The following HIPK3 variants were observed in gnomAD, a reference collection of about 807,000 sequenced individuals.
HIPK3 encodes homeodomain-interacting protein kinase 3.
Under a neutral mutation model 124.2 loss-of-function variants are expected in HIPK3, and 47 were observed. The observed-to-expected ratio is 0.38, with a 90% CI of 0.30 to 0.48. The LOEUF is 0.48. Among genes scored for constraint, HIPK3 ranks in the 20% least tolerant of loss-of-function variants. The probability of loss-of-function intolerance (pLI) is 0.98; values close to 1 mark genes in which losing one functional copy is unlikely to be tolerated. For missense variants in HIPK3, 1,286 were observed against 1,454.3 expected, an observed-to-expected ratio of 0.88 and a Z score of 1.88; for synonymous variants, 482 against 515.2, an observed-to-expected ratio of 0.94 and a Z score of 0.87.
rs562646174 is a variant in HIPK3 at position 33,349,682 on chromosome 11, C to G, written c.2807+395C>G. Among the ~76,000 whole-genome samples the G allele has an allele frequency of 2.0e-5, 3 of 152,270 alleles. No homozygotes were observed. The South Asian group carries it at 6.2e-4, about 32-fold the overall frequency. ...CACAGGCTGGTCTTGAACTCCTGGG[C>G]TCAACCAGTGCTCCCACCTTGGCCT... On this transcript the variant is annotated intron_variant, in intron 14 of 16. Transcript: ENST00000303296.
intron 3 of HIPK3, chr11:33,335,562 TGAG>T (rs1853117745): frequency 6.6e-6 from 1 of 152,246 alleles, no homozygotes; most frequent in Non-Finnish European, 1.5e-5. Flanking sequence ...TGCAGTGTGT[TGAG>T]GTGTGAATGG....
chr11:33,322,836 ACTAG>A (rs1852704316), intron 2 of HIPK3, among the ~76,000 whole-genome samples: 1 of 152,164 alleles, frequency 6.6e-6, no homozygotes, highest in African/African-American at 2.4e-5. Context: ...AGAAAAAAAA[ACTAG>A]AAAAACGAGT....
chr11:33,273,840 C>T (rs552573886), intron 1 of HIPK3, among the ~76,000 whole-genome samples: 2 of 152,228 alleles, frequency 1.3e-5, no homozygotes, highest in Non-Finnish European at 2.9e-5. Flanking sequence ...ACTGAAAGTA[C>T]TATACTCAAG....
intron 1 of HIPK3, among the ~76,000 whole-genome samples, chr11:33,272,974 A>G (rs951503077): frequency 2.0e-5 from 3 of 151,288 alleles, no homozygotes; most frequent in African/African-American, 7.3e-5. Context: ...AGCTGGGACT[A>G]TAGGTGTGTG....
chr11:33,344,320 G>A (rs1056704904), intron 8 of HIPK3, among the ~76,000 whole-genome samples: 2 of 152,068 alleles, frequency 1.3e-5, no homozygotes, highest in South Asian at 2.1e-4. Context: ...TAGGTTATTT[G>A]GTTCTAGTAA....
chr11:33,341,464 A>G lies in HIPK3; in HGVS notation c.1774-99A>G, dbSNP rs1039787914. The G allele has an allele frequency of 2.5e-6, 3 of 1,189,748 alleles. No homozygotes were observed. The African/African-American group carries it at 4.7e-5, about 19-fold the overall frequency. 73.7% of individuals were successfully genotyped at this position (1,189,748 alleles called of 1,614,324 possible). A position where few individuals can be genotyped will look rare whatever the true frequency, so the allele number is the denominator to read the frequency against. ...TCTCATTTTCTGGACACATTTTAATAGTAGAATTATGATCTTAAGAAATGT... is the reference window on the plus strand; with the variant it reads ...TCTCATTTTCTGGACACATTTTAATGGTAGAATTATGATCTTAAGAAATGT... On this transcript the variant is annotated intron_variant, in intron 7 of 16. Transcript: ENST00000303296.
At chr11:33,312,607 C>T (rs1202369109) in intron 2 of HIPK3, among the ~76,000 whole-genome samples, 1 of 152,160 alleles carries the variant, frequency 6.6e-6, no homozygotes, top group Non-Finnish European at 1.5e-5. Flanking sequence ...CTGATCTTTC[C>T]AGTCTTCTTA....
intron 3 of HIPK3, among the ~76,000 whole-genome samples, chr11:33,332,327 C>T (rs540488684): frequency 2.0e-5 from 3 of 151,824 alleles, no homozygotes; most frequent in Admixed American, 2.0e-4. Flanking sequence ...TAGGGAAGAT[C>T]CTACCCACCA....
intron 2 of HIPK3, among the ~76,000 whole-genome samples, chr11:33,310,281 T>TTTATCTATCTATCTATC (rs1554965372): frequency 1.2e-4 from 14 of 121,074 alleles, no homozygotes; most frequent in Non-Finnish European, 1.6e-4. Context: ...TCTGTCTATC[T>TTTATCTATCTATCTATC]TATCTATCTA....
intron 2 of HIPK3, among the ~76,000 whole-genome samples, chr11:33,301,285 T>C (rs546286036): frequency 6.6e-6 from 1 of 152,320 alleles, no homozygotes; most frequent in African/African-American, 2.4e-5. Context: ...AGCCTGAGAC[T>C]TGGAGTATGT....
At chr11:33,277,229 T>G (rs951878667) in intron 1 of HIPK3, among the ~76,000 whole-genome samples, 2 of 152,224 alleles carry the variant, frequency 1.3e-5, no homozygotes, top group Non-Finnish European at 2.9e-5. Context: ...CCATGCATGT[T>G]TTTATACCTT....
chr11:33,333,068 A>G (rs924863031), intron 3 of HIPK3, among the ~76,000 whole-genome samples: 2 of 152,116 alleles, frequency 1.3e-5, no homozygotes, highest in Non-Finnish European at 1.5e-5. Flanking sequence ...ATCGGCCCCT[A>G]TTACCCAAAC....
At position 33,347,893 on chromosome 11, in the gene HIPK3, C is replaced by G; in HGVS notation, c.2186C>G (p.Pro729Arg). 1.2e-6 allele frequency: 2 copies of G among 1,614,102 alleles called. No individual in the cohort carries two copies. The highest frequency in any genetic ancestry group is 1.7e-6 in the Non-Finnish European group (2 of 1,179,988). The change falls in exon 11 of 17, where the codon CCG (proline) becomes CGG (arginine). Residue 729 changes from proline to arginine, a missense_variant. Pro to Arg is a moderately radical substitution (Grantham distance 103). Around this residue, in one of 3 missense-constraint regions of HIPK3, gnomAD observed 810 missense variants for 864.9 expected, o/e 0.94. Transcript: ENST00000303296. ...AGCAATCATTATAACTCAGTGATGC[C>G]GCAGCCTCTTCTGACCAATCAGATA... is the stretch of plus-strand genomic sequence containing the variant. The part of the protein sequence containing the change: ...SCSNHYNSVM[P>R]QPLLTNQITL...
At chr11:33,335,501 A>G (rs1853115464) in intron 3 of HIPK3, among the ~76,000 whole-genome samples, 1 of 152,226 alleles carries the variant, frequency 6.6e-6, no homozygotes, top group Admixed American at 6.5e-5. Flanking sequence ...CTAACAGGCC[A>G]TTACTTATCT....
chr11:33,276,108 C>T (rs1406842997), intron 1 of HIPK3, among the ~76,000 whole-genome samples: 1 of 152,350 alleles, frequency 6.6e-6, no homozygotes, highest in Non-Finnish European at 1.5e-5. Flanking sequence ...GTGTATTTTT[C>T]ACCTAGATTA....
At chr11:33,267,607 C>T (rs752360042) in intron 1 of HIPK3, among the ~76,000 whole-genome samples, 15 of 151,390 alleles carry the variant, frequency 9.9e-5, no homozygotes, top group Non-Finnish European at 2.1e-4. Flanking sequence ...GCCCTTCTCC[C>T]GCCTTGGCCT....
rs1368235646 is a variant in HIPK3 at position 33,356,419 on chromosome 11, TAAAAC to T, written c.*2853_*2857del. The T allele has an allele frequency of 6.6e-6, 1 of 152,036 alleles. No individual in the cohort carries two copies. Among genetic ancestry groups the T allele is most frequent in the Non-Finnish European group, 1.5e-5 (1 of 67,886 alleles). The allele number at this position is 152,036 out of a possible 1,614,324, so 9.4% of individuals were successfully genotyped here. A position where few individuals can be genotyped will look rare whatever the true frequency, so the allele number is the denominator to read the frequency against. On this transcript the variant is annotated 3_prime_UTR_variant, in exon 17 of 17. Transcript: ENST00000303296. ...TCTTCGGTTTTAATGCTTTCTTAAA[TAAAAC>T]ACTGCATGATTTCCAAGTTGCATAT...
chr11:33,308,612 G>GT (rs1173534900), intron 2 of HIPK3, among the ~76,000 whole-genome samples: 4 of 119,936 alleles, frequency 3.3e-5, no homozygotes, highest in Non-Finnish European at 5.3e-5. Context: ...GTGTGCCTAG[G>GT]GGTGTGTGTG....
rs568668875 is a variant in HIPK3 at position 33,320,769 on chromosome 11, G to T, written c.1098-7741G>T. Among the ~76,000 whole-genome samples, 7 of 152,280 alleles carry T rather than the reference G, an allele frequency of 4.6e-5. No individual in the cohort carries two copies. The East Asian group carries it at 1.4e-3, about 29-fold the overall frequency. On this transcript the variant is annotated intron_variant, in intron 2 of 16. Transcript: ENST00000303296. Reference sequence around the variant, plus strand: ...GACAGAATTGTCGTTTACTGACATGGGTAGGACTGTGAGAGAAGTGAGTTT... The same window carrying T: ...GACAGAATTGTCGTTTACTGACATGTGTAGGACTGTGAGAGAAGTGAGTTT...
Sources: allele counts gnomAD v4.1 joint callset (sites outside exome capture counted in the v4.1 genomes callset), GRCh38; gene constraint gnomAD v4.1.1; regional missense constraint gnomAD v4.1.1; transcripts MANE v1.5; gene names NCBI Gene and HGNC (gene_info 2026-07-23, HGNC 2026-07-21).